Variants in RNF19B observed in about 807,000 individuals in gnomAD.
RNF19B encodes the protein E3 ubiquitin-protein ligase RNF19B.
A neutral mutation model predicts 65.5 loss-of-function variants in RNF19B; 23 were observed. The observed-to-expected ratio is 0.35, with a 90% CI of 0.25 to 0.50. The LOEUF (loss-of-function observed/expected upper bound fraction) is 0.50, where lower values mean the gene tolerates loss of function less well. RNF19B is among the 20% of genes least tolerant of loss of function. The pLI, the probability that RNF19B is intolerant of heterozygous loss-of-function variation, is 0.98. For synonymous variants in RNF19B, 372 were observed against 379.6 expected (o/e 0.98, Z 0.23); for missense variants, 794 against 980.0 (o/e 0.81, Z 2.53).
Position 32,936,702 on chromosome 1 carries a change from T to G in RNF19B, c.*104A>C, listed in dbSNP as rs977264339. On this transcript the variant is annotated 3_prime_UTR_variant, in exon 9 of 9. Transcript: ENST00000235150. The stretch of plus-strand genomic sequence containing the variant: ...CAAAAACCTGTGACCAGAGAATCTG[T>G]GAAATAAAATACATAAATCTCTACC... 6.0e-4 allele frequency: 653 copies of G among 1,093,058 alleles called. No individual in the cohort carries two copies. The highest frequency in any genetic ancestry group is 7.3e-4 in the Non-Finnish European group (593 of 815,702). The allele number at this position is 1,093,058 out of a possible 1,614,324, so 67.7% of individuals were successfully genotyped here.
chr1:32,938,470 C>T lies in RNF19B; in HGVS notation c.1669G>A (p.Gly557Ser). Reference protein sequence around the residue: ...EIFPKDTASLGAISDNASTRA... With the variant: ...EIFPKDTASLSAISDNASTRA... ...GTGCTTGCGTTGTCACTAATTGCAC[C>T]AAGACTGGCTGTGTCTTTGGGGAAA... Residue 557 changes from glycine (G) to serine (S), a missense_variant, in exon 8 of 9, where the codon GGT becomes AGT. Gly to Ser is a moderately conservative substitution (Grantham distance 56). Around this residue, in one of 3 missense-constraint regions of RNF19B, gnomAD observed 368 missense variants for 447.3 expected, o/e 0.82. Coordinates refer to ENST00000235150, the MANE Select transcript of RNF19B (RefSeq NM_001300826.2). 1 of 1,614,174 alleles carries T rather than the reference C, an allele frequency of 6.2e-7. No individual in the cohort carries two copies. Among genetic ancestry groups the T allele is most frequent in the Non-Finnish European group, 8.5e-7 (1 of 1,180,020 alleles).
At position 32,964,667 on chromosome 1, in the gene RNF19B, A is replaced by C; in HGVS notation, c.19T>G (p.Ser7Ala). MGSEKD[S>A]ESPRSTSLHA... The stretch of plus-strand genomic sequence containing the variant: ...AGCGATGTGGAGCGCGGCGACTCGG[A>C]GTCCTTCTCGGAGCCCATGGCCGGC... The change falls in exon 1 of 9, where the codon TCC (serine) becomes GCC (alanine). Residue 7 changes from serine (S) to alanine (A), a missense_variant. Physicochemically the swap from Ser to Ala is moderately conservative, Grantham distance 99 (BLOSUM62 1). This residue lies in a region of RNF19B where 374 missense variants were observed against 423.8 expected (regional missense o/e 0.88). Coordinates refer to ENST00000235150, the MANE Select transcript of RNF19B (RefSeq NM_001300826.2). The surrounding 1 kb of genome is among the most constrained non-coding windows in gnomAD (Gnocchi z 6.5). 6.8e-7 allele frequency: 1 copy of C among 1,470,754 alleles called. No individual in the cohort carries two copies. Among genetic ancestry groups the C allele is most frequent in the Middle Eastern group, 2.3e-4 (1 of 4,298 alleles). 91.1% of individuals were successfully genotyped at this position (1,470,754 alleles called of 1,614,324 possible).
intron 2 of RNF19B, among the ~76,000 whole-genome samples, chr1:32,949,204 T>C (rs560091316): frequency 5.3e-5 from 8 of 152,352 alleles, no homozygotes; most frequent in South Asian, 4.1e-4. Flanking sequence ...TTAAGTCAGC[T>C]TGAAGGCAAA....
chr1:32,935,231 A>C (rs1165700649), downstream of RNF19B, among the ~76,000 whole-genome samples: 1 of 146,988 alleles, frequency 6.8e-6, no homozygotes, highest in Non-Finnish European at 1.5e-5. Flanking sequence ...AGCACCTCCC[A>C]GGTTCAAGCG....
chr1:32,936,570 CCAA>C lies in RNF19B; in HGVS notation c.*233_*235del. The C allele has an allele frequency of 2.3e-6, 1 of 442,830 alleles. No homozygotes were observed. Among genetic ancestry groups the C allele is most frequent in the Non-Finnish European group, 4.0e-6 (1 of 249,616 alleles). 27.4% of individuals were successfully genotyped at this position (442,830 alleles called of 1,614,324 possible). A position where few individuals can be genotyped will look rare whatever the true frequency, so the allele number is the denominator to read the frequency against. The stretch of plus-strand genomic sequence containing the variant: ...TCATGGATTGCTGCCATCAGTTTAA[CCAA>C]TAAATTAAAACTAAAAAGAGGGAGG... On this transcript the variant is annotated 3_prime_UTR_variant, in exon 9 of 9. Coordinates refer to ENST00000235150, the MANE Select transcript of RNF19B (RefSeq NM_001300826.2).
At chr1:32,932,525 A>G (rs1292581276), downstream of RNF19B, among the ~76,000 whole-genome samples, 2 of 152,190 alleles carry the variant, frequency 1.3e-5, no homozygotes, top group East Asian at 3.9e-4. Flanking sequence ...TTAGTTTTCC[A>G]GCCTCTGCAG....
At chr1:32,937,362 G>A (rs1194664617) in intron 8 of RNF19B, 103 bp from the exon 9 acceptor site, 12 of 1,558,602 alleles carry the variant, frequency 7.7e-6, no homozygotes, top group East Asian at 2.2e-5. Context: ...AAAAAGATAG[G>A]TGAACAGTTA....
rs1357291023 is a variant in RNF19B, at chr1:32,949,784, G to A, written c.636-10C>T. 1 of 1,603,252 alleles carries A rather than the reference G, an allele frequency of 6.2e-7. No individual in the cohort carries two copies. Among genetic ancestry groups the A allele is most frequent in the South Asian group, 1.1e-5 (1 of 90,754 alleles). ...GGCAATAACAGCATAACTAGGTAAG[G>A]AAACAGTAAGAGATACCAGTAAGGT... On this transcript the variant is annotated splice_polypyrimidine_tract_variant and intron_variant, in intron 1 of 8. Coordinates refer to ENST00000235150, the MANE Select transcript of RNF19B (RefSeq NM_001300826.2).
chr1:32,929,232 T>G, the RNF19B span, among the ~76,000 whole-genome samples: 1 of 152,344 alleles, frequency 6.6e-6, no homozygotes, highest in Non-Finnish European at 1.5e-5. Context: ...CATCTTCACA[T>G]GGTACTTAGC....
chr1:32,963,990 GC>G, intron 1 of RNF19B, 60 bp downstream of exon 1: 1 of 1,385,850 alleles, frequency 7.2e-7, no homozygotes. Flanking sequence ...GGTCCCTGCT[GC>G]CCCCAGCCAC....
intron 7 of RNF19B, 134 bp downstream of exon 7, chr1:32,942,118 A>G: frequency 1.2e-6 from 1 of 805,730 alleles, no homozygotes; most frequent in Middle Eastern, 2.7e-4. Flanking sequence ...AAGTAAAAAC[A>G]AAACAAAACA....
chr1:32,941,610 C>T (rs945146973), intron 7 of RNF19B, among the ~76,000 whole-genome samples: 1 of 152,138 alleles, frequency 6.6e-6, no homozygotes, highest in Non-Finnish European at 1.5e-5. Context: ...ACAAGCCTAA[C>T]GGAGAGCATT....
intron 7 of RNF19B, among the ~76,000 whole-genome samples, chr1:32,941,004 C>T (rs776448936): frequency 5.9e-5 from 9 of 152,152 alleles, no homozygotes; most frequent in Non-Finnish European, 1.0e-4. Context: ...GGGAGGATGG[C>T]TTCAGGCCAG....
downstream of RNF19B, among the ~76,000 whole-genome samples, chr1:32,935,547 C>T (rs1642083395): frequency 6.6e-6 from 1 of 152,168 alleles, no homozygotes. Flanking sequence ...AGGGCATACC[C>T]CCTCCTTTCA....
chr1:32,948,194 A>G (rs1295688195), intron 3 of RNF19B, 28 bp downstream of exon 3: 5 of 1,610,556 alleles, frequency 3.1e-6, no homozygotes, highest in Non-Finnish European at 3.4e-6. Context: ...TGAGACTACG[A>G]AAGGAATGGA....
At chr1:32,952,870 G>A (rs750431385) in intron 1 of RNF19B, among the ~76,000 whole-genome samples, 4 of 149,906 alleles carry the variant, frequency 2.7e-5, no homozygotes, top group Non-Finnish European at 3.0e-5. Flanking sequence ...CCACGTTTGC[G>A]CCACTGCACT....
intron 6 of RNF19B, 46 bp downstream of exon 6, chr1:32,943,973 C>T: frequency 6.4e-7 from 1 of 1,563,814 alleles, no homozygotes; most frequent in Non-Finnish European, 8.7e-7. Flanking sequence ...TGATTTTTAT[C>T]TTGTATATCA....
chr1:32,963,189 G>C (rs934853323), intron 1 of RNF19B, among the ~76,000 whole-genome samples: 3 of 152,080 alleles, frequency 2.0e-5, no homozygotes, highest in African/African-American at 7.2e-5. Flanking sequence ...GAACGACAGA[G>C]TGCCTCCCGA....
intron 1 of RNF19B, among the ~76,000 whole-genome samples, chr1:32,950,366 T>C (rs1338739993): frequency 6.6e-6 from 1 of 152,224 alleles, no homozygotes; most frequent in African/African-American, 2.4e-5. Flanking sequence ...CCAGCATTTA[T>C]TCAATCATAG....
Sources: allele counts gnomAD v4.1 joint callset (sites outside exome capture counted in the v4.1 genomes callset), GRCh38; gene constraint gnomAD v4.1.1; regional missense constraint gnomAD v4.1.1; non-coding constraint Gnocchi (gnomAD v3.1); transcripts MANE v1.5; gene names NCBI Gene and HGNC (gene_info 2026-07-23, HGNC 2026-07-21).